Variants in COL24A1 observed in about 807,000 individuals in gnomAD.
The protein encoded by COL24A1 is collagen type XXIV alpha 1 chain.
COL24A1 carries 224 observed loss-of-function variants against 253.9 expected under a neutral mutation model. The ratio of observed to expected loss-of-function variants is 0.88; its 90% confidence interval spans 0.79 to 0.99. The LOEUF (loss-of-function observed/expected upper bound fraction) is 0.99, where lower values mean the gene tolerates loss of function less well. COL24A1 is among the 50% of genes least tolerant of loss of function. The pLI, the probability that COL24A1 is intolerant of heterozygous loss-of-function variation, is 0.00. For synonymous variants in COL24A1, 685 were observed against 673.7 expected (o/e 1.02, Z -0.26); for missense variants, 2,131 against 2,068.5 (o/e 1.03, Z -0.59).
intron 24 of COL24A1, among the ~76,000 whole-genome samples, chr1:85,923,200 G>A (rs1686743270): frequency 6.6e-6 from 1 of 152,128 alleles, no homozygotes; most frequent in Admixed American, 6.6e-5. Context: ...AACAGACTTA[G>A]ACTCCAACAC....
At chr1:86,083,723 G>A (rs1284742326) in intron 7 of COL24A1, among the ~76,000 whole-genome samples, 1 of 152,184 alleles carries the variant, frequency 6.6e-6, no homozygotes, top group Admixed American at 6.5e-5. Flanking sequence ...AGACAGCAGA[G>A]AGGAGGTGGT....
intron 43 of COL24A1, among the ~76,000 whole-genome samples, chr1:85,835,496 T>C (rs1195948673): frequency 6.6e-6 from 1 of 152,122 alleles, no homozygotes; most frequent in East Asian, 1.9e-4. Context: ...AACTAAGTAT[T>C]CGTTAATAAT....
chr1:86,027,282 T>C (rs1025178870), intron 14 of COL24A1, among the ~76,000 whole-genome samples: 30 of 152,116 alleles, frequency 2.0e-4, no homozygotes, highest in African/African-American at 6.8e-4. Context: ...AGAAGCCAAG[T>C]GTTAATCCCC....
chr1:85,860,821 C>T (rs190578349), intron 37 of COL24A1, among the ~76,000 whole-genome samples: 3 of 152,306 alleles, frequency 2.0e-5, no homozygotes, highest in Admixed American at 6.5e-5. Context: ...ATAATGTTTT[C>T]GAGGTTAATC....
In COL24A1 at chr1:86,059,194, G is replaced by T; in HGVS notation, c.1753-20C>A. On this transcript the variant is annotated intron_variant, in intron 8 of 59. Transcript: ENST00000370571. Reference sequence around the variant, plus strand: ...AATTCCCTGAAATAATAAATAAAATGAACAGTATAGCAAAGCCAAAGGAAA... The same window carrying T: ...AATTCCCTGAAATAATAAATAAAATTAACAGTATAGCAAAGCCAAAGGAAA... 2.5e-6 allele frequency: 4 copies of T among 1,586,906 alleles called. No individual in the cohort carries two copies. The highest frequency in any genetic ancestry group is 2.6e-6 in the Non-Finnish European group (3 of 1,158,206).
At chr1:85,903,447 C>A (rs1425698612) in intron 28 of COL24A1, among the ~76,000 whole-genome samples, 3 of 152,110 alleles carry the variant, frequency 2.0e-5, no homozygotes, top group Admixed American at 2.0e-4. Context: ...ACAAAATAAG[C>A]TTTACGACAG....
rs1462375335 is a variant in COL24A1 at position 85,939,930 on chromosome 1, TA to T, written c.2562+21318del. 4.0e-5 allele frequency among the ~76,000 whole-genome samples: 6 copies of T among 149,552 alleles called. No individual in the cohort carries two copies. In the East Asian group the frequency reaches 1.2e-3, roughly 29 times the overall value. ...GGCATGAAGTAGTAGTATAAATAAATAAAAATAATGACTACTCACCTGTGCT... is the reference window on the plus strand; with the variant it reads ...GGCATGAAGTAGTAGTATAAATAAATAAAATAATGACTACTCACCTGTGCT... On this transcript the variant is annotated intron_variant, in intron 24 of 59. Coordinates refer to ENST00000370571, the MANE Select transcript of COL24A1 (RefSeq NM_152890.7).
intron 35 of COL24A1, among the ~76,000 whole-genome samples, chr1:85,874,108 T>A (rs957303747): frequency 2.6e-5 from 4 of 152,172 alleles, no homozygotes; most frequent in African/African-American, 7.2e-5. Context: ...GTTAAAATTA[T>A]CTTGGGCCCT....
At chr1:85,802,296 T>A (rs1461723548) in intron 47 of COL24A1, among the ~76,000 whole-genome samples, 2 of 152,210 alleles carry the variant, frequency 1.3e-5, no homozygotes, top group Non-Finnish European at 2.9e-5. Context: ...GTGGTCATTG[T>A]ATACCTCAAC....
intron 5 of COL24A1, 143 bp from the exon 6 acceptor site, chr1:86,092,463 T>G (rs1356960082): frequency 5.3e-6 from 3 of 566,416 alleles, no homozygotes; most frequent in Non-Finnish European, 9.2e-6. Flanking sequence ...GCATTGGTTA[T>G]TTCATTTTTT....
chr1:85,744,674 A>G lies in COL24A1; in HGVS notation c.4664T>C (p.Val1555Ala). ...CKDLLNCEQK[V>A]SDGKYWIDPN... ...GGTAACCAAGAACTTACCATCTGAT[A>G]CTTTTTGTTCACAGTTAAGTAAATC... The change falls in exon 57 of 60, where the codon GTA becomes GCA. Residue 1555 changes from valine to alanine, a missense_variant. Physicochemically the swap from Val to Ala is moderately conservative, Grantham distance 64. Coordinates refer to ENST00000370571, the MANE Select transcript of COL24A1 (RefSeq NM_152890.7). The G allele has an allele frequency of 1.2e-6, 2 of 1,605,690 alleles. No homozygotes were observed. Among genetic ancestry groups the G allele is most frequent in the African/African-American group, 1.3e-5 (1 of 74,128 alleles).
At chr1:85,806,537 T>A (rs968589921) in intron 47 of COL24A1, among the ~76,000 whole-genome samples, 1 of 152,256 alleles carries the variant, frequency 6.6e-6, no homozygotes. Context: ...TGTGTTCCAA[T>A]AAATTAATTT....
intron 11 of COL24A1, among the ~76,000 whole-genome samples, chr1:86,048,218 C>T (rs542183341): frequency 5.3e-4 from 80 of 152,116 alleles, no homozygotes; most frequent in African/African-American, 1.9e-3. Context: ...CATATGTGTA[C>T]ATATGTGTAT....
chr1:85,805,864 A>G (rs1403772666), intron 47 of COL24A1, among the ~76,000 whole-genome samples: 3 of 152,148 alleles, frequency 2.0e-5, no homozygotes, highest in African/African-American at 7.2e-5. Context: ...TCACGAGGTC[A>G]GGAGATCGAG....
At chr1:85,777,141 C>T (rs935897549) in intron 52 of COL24A1, among the ~76,000 whole-genome samples, 1 of 151,420 alleles carries the variant, frequency 6.6e-6, no homozygotes, top group African/African-American at 2.4e-5. Context: ...GTAGAGATGG[C>T]GTTTCACCAT....
chr1:86,125,064 C>T lies in COL24A1; in HGVS notation c.1272G>A (p.Met424Ile), dbSNP rs982330509. Residue 424 changes from methionine to isoleucine, a missense_variant, in exon 3 of 60, where the codon ATG becomes ATA. Coordinates refer to ENST00000370571, the MANE Select transcript of COL24A1 (RefSeq NM_152890.7). ...GCAAGCTTGTGTTTAAAATTGGTTG[C>T]ATTTCCATGAGTTCGTTAGTGTGTA... is the stretch of plus-strand genomic sequence containing the variant. Reference protein sequence around the residue: ...ANLHTNELMEMQPILNTSLHR... With the variant: ...ANLHTNELMEIQPILNTSLHR... 8 of 1,612,832 alleles carry T rather than the reference C, an allele frequency of 5.0e-6. No homozygotes were observed. In the Admixed American group the frequency reaches 1.3e-4, roughly 27 times the overall value.
At chr1:85,989,351 A>G (rs1168925842) in intron 19 of COL24A1, among the ~76,000 whole-genome samples, 3 of 151,700 alleles carry the variant, frequency 2.0e-5, no homozygotes, top group Non-Finnish European at 2.9e-5. Context: ...TATACTCTGA[A>G]TACTTATTTT....
chr1:85,792,936 G>T (rs931910633), intron 47 of COL24A1, among the ~76,000 whole-genome samples: 1 of 151,996 alleles, frequency 6.6e-6, no homozygotes, highest in African/African-American at 2.4e-5. Flanking sequence ...TAAAGATATT[G>T]CCCTTAAAGT....
At chr1:85,923,884 G>T (rs529800036) in intron 24 of COL24A1, among the ~76,000 whole-genome samples, 66 of 152,158 alleles carry the variant, frequency 4.3e-4, no homozygotes, top group African/African-American at 1.5e-3. Flanking sequence ...TCCATGAGCT[G>T]GTTTTTTGAA....
Sources: allele counts gnomAD v4.1 joint callset (sites outside exome capture counted in the v4.1 genomes callset), GRCh38; gene constraint gnomAD v4.1.1; transcripts MANE v1.5; gene names NCBI Gene and HGNC (gene_info 2026-07-23, HGNC 2026-07-21).